Variants in TNFRSF21 observed in about 807,000 individuals in gnomAD.
The protein encoded by TNFRSF21 is tumor necrosis factor receptor superfamily member 21.
TNFRSF21 carries 19 observed loss-of-function variants against 45.6 expected under a neutral mutation model. The observed-to-expected ratio is 0.42, with a 90% confidence interval of 0.29 to 0.61. The LOEUF (loss-of-function observed/expected upper bound fraction) is 0.61, where lower values mean the gene tolerates loss of function less well. Ranked by LOEUF, TNFRSF21 falls within the 20% of genes least tolerant of loss-of-function variation. TNFRSF21 has a pLI of 0.23. For synonymous variants in TNFRSF21, 314 were observed against 335.5 expected, an observed-to-expected ratio of 0.94 and a Z score of 0.70; for missense variants, 737 against 851.5, an observed-to-expected ratio of 0.87 and a Z score of 1.67.
At chr6:47,284,475 TGGGGATCTATA>T in intron 2 of TNFRSF21, 43 bp from the exon 3 acceptor site, 2 of 1,500,822 alleles carry the variant, frequency 1.3e-6, no homozygotes, top group South Asian at 2.8e-5. Context: ...TTTCCATATT[TGGGGATCTATA>T]CATTCCCTCC....
chr6:47,306,694 T>C (rs541663575), intron 1 of TNFRSF21, among the ~76,000 whole-genome samples: 1 of 152,306 alleles, frequency 6.6e-6, no homozygotes, highest in East Asian at 1.9e-4. Context: ...TAGTAAGCTA[T>C]TTTTCATGCA....
At chr6:47,275,539 G>T (rs370545934) in intron 3 of TNFRSF21, among the ~76,000 whole-genome samples, 3 of 152,234 alleles carry the variant, frequency 2.0e-5, no homozygotes, top group East Asian at 3.9e-4. Context: ...AGCATTAGCA[G>T]AAATACCTAA....
chr6:47,273,210 A>G (rs1762452234), intron 3 of TNFRSF21, among the ~76,000 whole-genome samples: 1 of 152,176 alleles, frequency 6.6e-6, no homozygotes, highest in African/African-American at 2.4e-5. Flanking sequence ...AGACACAACA[A>G]AAAAAGAGAA....
At chr6:47,268,031 T>C (rs550439642) in intron 3 of TNFRSF21, among the ~76,000 whole-genome samples, 1 of 152,310 alleles carries the variant, frequency 6.6e-6, no homozygotes, top group East Asian at 1.9e-4. Context: ...GTTTCAAGCA[T>C]CTGTCCACAC....
intron 1 of TNFRSF21, among the ~76,000 whole-genome samples, chr6:47,303,221 C>T (rs747482012): frequency 6.6e-6 from 1 of 152,176 alleles, no homozygotes; most frequent in African/African-American, 2.4e-5. Context: ...AACAGAGCCA[C>T]ACAGCAGTAC....
At position 47,233,014 on chromosome 6, in the gene TNFRSF21, G is replaced by A. The variant is rs1764611057; in HGVS notation, c.1739-20C>T. The A allele has an allele frequency of 1.9e-6, 3 of 1,611,580 alleles. No individual in the cohort carries two copies. The highest frequency in any genetic ancestry group is 3.3e-5 in the Admixed American group (2 of 59,988). On this transcript the variant is annotated intron_variant, in intron 5 of 5. Coordinates refer to ENST00000296861, the MANE Select transcript of TNFRSF21 (RefSeq NM_014452.5). ...TCTTTTCTGCAGAGAAGAGAGGGAA[G>A]CAAAGACAGCTGTAAGGTGACTGTA...
intron 3 of TNFRSF21, among the ~76,000 whole-genome samples, chr6:47,254,907 G>T (rs1764958118): frequency 6.6e-6 from 1 of 152,146 alleles, no homozygotes; most frequent in Non-Finnish European, 1.5e-5. Flanking sequence ...ACTTAGAAAA[G>T]TTAGGCTACT....
chr6:47,283,660 C>T (rs1399577918), intron 3 of TNFRSF21, among the ~76,000 whole-genome samples: 1 of 152,116 alleles, frequency 6.6e-6, no homozygotes, highest in Non-Finnish European at 1.5e-5. Flanking sequence ...ATGACAAGGT[C>T]AAACAAAGTC....
chr6:47,232,717 A>G lies in TNFRSF21; in HGVS notation c.*48T>C, dbSNP rs200228856. ...AGAAACAGAAGAAAATTAAAAAACC[A>G]CCCTGCCACTAAATTGAGTAATTTC... On this transcript the variant is annotated 3_prime_UTR_variant, in exon 6 of 6. Coordinates refer to ENST00000296861, the MANE Select transcript of TNFRSF21 (RefSeq NM_014452.5). 6.4e-7 allele frequency: 1 copy of G among 1,567,806 alleles called. No homozygotes were observed. The highest frequency in any genetic ancestry group is 8.7e-7 in the Non-Finnish European group (1 of 1,146,064).
intron 4 of TNFRSF21, among the ~76,000 whole-genome samples, chr6:47,242,506 C>G (rs183224453): frequency 4.6e-5 from 7 of 152,350 alleles, no homozygotes; most frequent in African/African-American, 9.6e-5. Flanking sequence ...AATAGCCAAT[C>G]CTTGCCCTAA....
rs1192562192 is a variant in TNFRSF21, at chr6:47,231,687, G to A, written c.*1078C>T. 3.3e-5 allele frequency: 5 copies of A among 152,582 alleles called. No homozygotes were observed. The highest frequency in any genetic ancestry group is 4.8e-5 in the African/African-American group (2 of 41,428). The allele number at this position is 152,582 out of a possible 1,614,324, so 9.5% of individuals were successfully genotyped here. A position where few individuals can be genotyped will look rare whatever the true frequency, so the allele number is the denominator to read the frequency against. On this transcript the variant is annotated 3_prime_UTR_variant, in exon 6 of 6. Coordinates refer to ENST00000296861, the MANE Select transcript of TNFRSF21 (RefSeq NM_014452.5). Reference sequence around the variant, plus strand: ...CAACTGAGCATTAGAAGGTACATTTGTAAATGGGAGCATAGTTGCAAATAT... The same window carrying A: ...CAACTGAGCATTAGAAGGTACATTTATAAATGGGAGCATAGTTGCAAATAT...
intron 4 of TNFRSF21, among the ~76,000 whole-genome samples, chr6:47,236,870 C>G (rs887159116): frequency 5.3e-5 from 8 of 152,124 alleles, no homozygotes; most frequent in African/African-American, 1.9e-4. Context: ...CAATATAGTA[C>G]ACTGTTCTTG....
Position 47,253,409 on chromosome 6 carries a change from GTACCCA to G in TNFRSF21, c.1350_1355del (p.Gly451_Tyr452del). ...CGTAGGCCCGCTCGTGGTCGGCTGT[GTACCCA>G]TTGGAGAAAGCAGCAACCTCCCTCT... On this transcript the variant is annotated inframe_deletion, in exon 4 of 6. Transcript: ENST00000296861. 6.2e-7 allele frequency: 1 copy of G among 1,614,152 alleles called. No homozygotes were observed. The highest frequency in any genetic ancestry group is 8.5e-7 in the Non-Finnish European group (1 of 1,180,030).
At chr6:47,265,668 G>A (rs1381536037) in intron 3 of TNFRSF21, among the ~76,000 whole-genome samples, 1 of 152,166 alleles carries the variant, frequency 6.6e-6, no homozygotes, top group Non-Finnish European at 1.5e-5. Context: ...ACAGGACATG[G>A]CACTCAGGAA....
chr6:47,253,011 T>C (rs1764922316), intron 4 of TNFRSF21, among the ~76,000 whole-genome samples: 1 of 151,832 alleles, frequency 6.6e-6, no homozygotes, highest in South Asian at 2.1e-4. Flanking sequence ...GTGACTGGTC[T>C]GCAGGTAGGG....
intron 3 of TNFRSF21, among the ~76,000 whole-genome samples, chr6:47,275,691 A>G (rs1209030686): frequency 6.6e-6 from 1 of 152,132 alleles, no homozygotes; most frequent in Non-Finnish European, 1.5e-5. Context: ...CATTCTCCCT[A>G]AAAGCACACA....
intron 4 of TNFRSF21, among the ~76,000 whole-genome samples, chr6:47,243,209 G>A (rs184915655): frequency 6.6e-5 from 10 of 152,132 alleles, no homozygotes; most frequent in South Asian, 2.1e-4. Flanking sequence ...TCCAAGTCTC[G>A]GCAACTCAGT....
chr6:47,280,336 A>G (rs948518492), intron 3 of TNFRSF21, among the ~76,000 whole-genome samples: 5 of 152,214 alleles, frequency 3.3e-5, no homozygotes, highest in Non-Finnish European at 7.3e-5. Context: ...CCAGAACTCA[A>G]TGCAATCAGA....
chr6:47,236,652 C>G (rs1764668241), intron 4 of TNFRSF21, among the ~76,000 whole-genome samples: 1 of 152,212 alleles, frequency 6.6e-6, no homozygotes, highest in Non-Finnish European at 1.5e-5. Flanking sequence ...GAAACATGCA[C>G]ACCTAGCAGT....
Sources: gnomAD v4.1 joint callset for allele counts (sites outside exome capture counted in the v4.1 genomes callset) on GRCh38, gnomAD v4.1.1 for gene constraint, MANE v1.5 for transcripts, NCBI Gene and HGNC (gene_info 2026-07-23, HGNC 2026-07-21) for gene names.